Variants in CFAP46 observed in about 807,000 individuals in gnomAD.
The protein encoded by CFAP46 is cilia and flagella associated protein 46, also known as cilia- and flagella-associated protein 46.
A neutral mutation model predicts 325.7 loss-of-function variants in CFAP46; 245 were observed. The ratio of observed to expected loss-of-function variants is 0.75; its 90% CI spans 0.68 to 0.84. The LOEUF (loss-of-function observed/expected upper bound fraction) is 0.84. CFAP46 is among the 40% of genes least tolerant of loss of function. The pLI is 0.00. For synonymous variants in CFAP46, 1,523 were observed against 1,495.9 expected (o/e 1.02, Z -0.42); for missense variants, 3,346 against 3,543.0 (o/e 0.94, Z 1.41).
intron 22 of CFAP46, among the ~76,000 whole-genome samples, chr10:132,907,970 C>T (rs557661037): frequency 1.3e-5 from 2 of 152,340 alleles, no homozygotes; most frequent in African/African-American, 4.8e-5. Flanking sequence ...GGGGTGGGAG[C>T]CCCCCGGTCT....
Position 132,846,867 on chromosome 10 carries a change from T to C in CFAP46, c.6267+65A>G, listed in dbSNP as rs551049369. The C allele has an allele frequency of 9.6e-5, 146 of 1,519,958 alleles. No individual in the cohort carries two copies. The African/African-American group carries it at 1.5e-3, about 16-fold the overall frequency. The allele number at this position is 1,519,958 out of a possible 1,614,324, so 94.2% of individuals were successfully genotyped here. On this transcript the variant is annotated intron_variant, in intron 43 of 57. Coordinates refer to ENST00000368586, the MANE Select transcript of CFAP46 (RefSeq NM_001200049.3). Reference sequence around the variant, plus strand: ...GTCCCCCCAAGGCGAGGGCCCCAGCTGAAGCCCAGGGTCCTCCCTCCTCCA... The same window carrying C: ...GTCCCCCCAAGGCGAGGGCCCCAGCCGAAGCCCAGGGTCCTCCCTCCTCCA...
chr10:132,913,818 CT>C (rs1849593362), intron 17 of CFAP46, among the ~76,000 whole-genome samples: 1 of 35,942 alleles, frequency 2.8e-5, no homozygotes, highest in Non-Finnish European at 4.6e-5. Flanking sequence ...GGCAGAGCGT[CT>C]CTGCCCCACC....
chr10:132,816,492 C>T lies in CFAP46; in HGVS notation c.7118-1578G>A, dbSNP rs145490464. Among the ~76,000 whole-genome samples, 708 of 152,012 alleles carry T rather than the reference C, an allele frequency of 4.7e-3. 5 individuals are homozygous for T. The highest frequency in any genetic ancestry group is 0.016 in the African/African-American group (682 of 41,446). On this transcript the variant is annotated intron_variant, in intron 50 of 57. Transcript: ENST00000368586. Reference sequence around the variant, plus strand: ...GATTACAAGTACCCGCCACCACGCCCGGCTAATTTTGTGTATTTTTAGTAG... The same window carrying T: ...GATTACAAGTACCCGCCACCACGCCTGGCTAATTTTGTGTATTTTTAGTAG...
At chr10:132,823,991 GCTT>G (rs1388494697) in intron 50 of CFAP46, among the ~76,000 whole-genome samples, 1 of 88,354 alleles carries the variant, frequency 1.1e-5, no homozygotes, top group East Asian at 2.9e-4. Context: ...TGTGTGTGCT[GCTT>G]GTTTGTGCTG....
At chr10:132,844,841 C>T (rs1015039486) in intron 44 of CFAP46, among the ~76,000 whole-genome samples, 7 of 152,186 alleles carry the variant, frequency 4.6e-5, no homozygotes, top group South Asian at 2.1e-4. Context: ...AAGTGCTGCC[C>T]GGGGCAGCCC....
chr10:132,890,356 G>A (rs1191778991), intron 25 of CFAP46, among the ~76,000 whole-genome samples: 1 of 152,182 alleles, frequency 6.6e-6, no homozygotes, highest in Non-Finnish European at 1.5e-5. Context: ...GCCGGGTTGT[G>A]GACAGAAAGT....
In CFAP46 at chr10:132,817,949, T is replaced by G. The variant is rs568420129; in HGVS notation, c.7118-3035A>C. 6.6e-6 allele frequency among the ~76,000 whole-genome samples: 1 copy of G among 152,206 alleles called. No homozygotes were observed. The highest frequency in any genetic ancestry group is 1.5e-5 in the Non-Finnish European group (1 of 68,030). On this transcript the variant is annotated intron_variant, in intron 50 of 57. Transcript: ENST00000368586. This position sits in a 1 kb window ranked among gnomAD's most constrained non-coding sequence, Gnocchi z 4.4. ...CTGGCCACGCCCTCCATCCTCACCG[T>G]CGGCAGCGCAGCCCCCAGGCTCCTT...
chr10:132,917,635 C>T (rs1307123989), intron 16 of CFAP46, among the ~76,000 whole-genome samples: 1 of 152,224 alleles, frequency 6.6e-6, no homozygotes, highest in Non-Finnish European at 1.5e-5. Flanking sequence ...AAATGATTCC[C>T]AAGAGAAATT....
intron 57 of CFAP46, among the ~76,000 whole-genome samples, chr10:132,809,164 G>T (rs1474968088): frequency 1.3e-5 from 2 of 152,008 alleles, no homozygotes; most frequent in African/African-American, 2.4e-5. Context: ...TCTACCCCTT[G>T]GCCAGGCGAG....
intron 8 of CFAP46, 37 bp from the exon 9 acceptor site, chr10:132,929,841 G>A: frequency 2.0e-6 from 3 of 1,509,314 alleles, no homozygotes; most frequent in South Asian, 1.2e-5. Flanking sequence ...CGGCTCAATA[G>A]GGGGCACAGG....
chr10:132,846,710 C>G (rs1384623514), intron 43 of CFAP46, among the ~76,000 whole-genome samples: 1 of 152,190 alleles, frequency 6.6e-6, no homozygotes, highest in African/African-American at 2.4e-5. Flanking sequence ...ACTGCCAGGT[C>G]TCCATGTCTG....
intron 10 of CFAP46, among the ~76,000 whole-genome samples, chr10:132,925,904 C>T (rs965043126): frequency 2.0e-5 from 3 of 152,232 alleles, no homozygotes; most frequent in African/African-American, 7.2e-5. Flanking sequence ...CCTCGCACTG[C>T]CTGGCTGACA....
In CFAP46 at chr10:132,884,317, TCA is replaced by T. The variant is rs1849090253; in HGVS notation, c.3627+784_3627+785del. Among the ~76,000 whole-genome samples the T allele has an allele frequency of 2.0e-5, 3 of 152,122 alleles. No individual in the cohort carries two copies. The highest frequency in any genetic ancestry group is 2.0e-4 in the Admixed American group (3 of 15,278). On this transcript the variant is annotated intron_variant, in intron 27 of 57. Coordinates refer to ENST00000368586, the MANE Select transcript of CFAP46 (RefSeq NM_001200049.3). The surrounding 1 kb of genome is among the most constrained non-coding windows in gnomAD (Gnocchi z 5.4). ...ATCACCCAGTGCCCTGAGCCGGCACTCACACAGCACCGTCAGAGACCCCCAAC... is the reference window on the plus strand; with the variant it reads ...ATCACCCAGTGCCCTGAGCCGGCACTCACAGCACCGTCAGAGACCCCCAAC...
rs1272032401 is a variant in CFAP46, at chr10:132,867,517, G to C, written c.4611-10C>G. On this transcript the variant is annotated splice_polypyrimidine_tract_variant and intron_variant, in intron 33 of 57. Transcript: ENST00000368586. The stretch of plus-strand genomic sequence containing the variant: ...GATCTCTTTTCTGCAGCTAATGCGA[G>C]GAAAACAGACAATACGCAAGAGCCA... 5 of 1,548,986 alleles carry C rather than the reference G, an allele frequency of 3.2e-6. No individual in the cohort carries two copies. In the African/African-American group the frequency reaches 6.9e-5, roughly 21 times the overall value.
chr10:132,816,116 C>T (rs1847688190), intron 50 of CFAP46, among the ~76,000 whole-genome samples: 1 of 152,090 alleles, frequency 6.6e-6, no homozygotes, highest in Non-Finnish European at 1.5e-5. Context: ...AGTATTTTGT[C>T]CTTGCTGCCC....
rs1358816672 is a variant in CFAP46, at chr10:132,924,862, G to T, written c.1090C>A (p.Leu364Ile). Reference sequence around the variant, plus strand: ...ACGGCTCGCTGCAGCGCGACGTCTAGCCTCTGTATGATATCCAGCTGGGCC... The same window carrying T: ...ACGGCTCGCTGCAGCGCGACGTCTATCCTCTGTATGATATCCAGCTGGGCC... The part of the protein sequence containing the change: ...VEAQLDIIQR[L>I]DVALQRAVRL... The change falls in exon 11 of 58, where the codon CTA (leucine) becomes ATA (isoleucine). Residue 364 changes from leucine (L) to isoleucine (I), a missense_variant. Coordinates refer to ENST00000368586, the MANE Select transcript of CFAP46 (RefSeq NM_001200049.3). The T allele has an allele frequency of 1.4e-6, 2 of 1,406,598 alleles. No homozygotes were observed. The highest frequency in any genetic ancestry group is 1.9e-6 in the Non-Finnish European group (2 of 1,073,250). 87.1% of individuals were successfully genotyped at this position (1,406,598 alleles called of 1,614,324 possible).
rs372780573 is a variant in CFAP46, at chr10:132,861,012, G to T, written c.4891-30C>A. 2.1e-5 allele frequency: 33 copies of T among 1,547,346 alleles called. No individual in the cohort carries two copies. The Middle Eastern group carries it at 5.2e-4, about 24-fold the overall frequency. ...AGGAGAGAAACTCAGACATGCTTGG[G>T]TTCCTCTACAGATGTGTGCAGGCAG... On this transcript the variant is annotated intron_variant, in intron 35 of 57. Transcript: ENST00000368586.
At chr10:132,868,666 A>G (rs1221406172) in intron 33 of CFAP46, among the ~76,000 whole-genome samples, 3 of 152,230 alleles carry the variant, frequency 2.0e-5, no homozygotes, top group Non-Finnish European at 2.9e-5. Flanking sequence ...TGATGGGGCC[A>G]ATCGTGAGCT....
intron 50 of CFAP46, among the ~76,000 whole-genome samples, chr10:132,830,970 T>G (rs1396057398): frequency 6.6e-6 from 1 of 152,244 alleles, no homozygotes; most frequent in East Asian, 1.9e-4. Context: ...AATGATAAAT[T>G]GTGCTTTTGT....
Sources: gnomAD v4.1 joint callset for allele counts (sites outside exome capture counted in the v4.1 genomes callset) on GRCh38, gnomAD v4.1.1 for gene constraint, Gnocchi (gnomAD v3.1) non-coding constraint, MANE v1.5 for transcripts, NCBI Gene and HGNC (gene_info 2026-07-23, HGNC 2026-07-21) for gene names.